CDC42BPA: variants seen among roughly 807,000 people sequenced by gnomAD.
The protein encoded by CDC42BPA is serine/threonine-protein kinase MRCK alpha.
A neutral mutation model predicts 223.5 loss-of-function variants in CDC42BPA; 80 were observed. The ratio of observed to expected loss-of-function variants is 0.36; its 90% CI spans 0.30 to 0.43. The LOEUF (loss-of-function observed/expected upper bound fraction) is 0.43. Among genes scored for constraint, CDC42BPA ranks in the 20% least tolerant of loss-of-function variants. The pLI is 1.00. For missense variants in CDC42BPA, 1,743 were observed against 2,099.9 expected (o/e 0.83, Z 3.32); for synonymous variants, 694 against 718.6 (o/e 0.97, Z 0.55).
chr1:227,132,787 C>T (rs1260134843), intron 10 of CDC42BPA, among the ~76,000 whole-genome samples: 2 of 151,554 alleles, frequency 1.3e-5, no homozygotes, highest in Admixed American at 6.6e-5. Context: ...CCCGCCGCCC[C>T]GTCTGGGATG....
chr1:227,230,692 T>C (rs917098375), intron 2 of CDC42BPA, among the ~76,000 whole-genome samples: 1 of 152,120 alleles, frequency 6.6e-6, no homozygotes, highest in Non-Finnish European at 1.5e-5. Context: ...TACTCAGTTA[T>C]CTTATTAACA....
chr1:227,155,234 G>T (rs1480305935), intron 6 of CDC42BPA, among the ~76,000 whole-genome samples: 1 of 152,188 alleles, frequency 6.6e-6, no homozygotes, highest in Non-Finnish European at 1.5e-5. Flanking sequence ...AAAGGACTGA[G>T]ACTCAGAATG....
intron 2 of CDC42BPA, among the ~76,000 whole-genome samples, chr1:227,221,430 C>T (rs145207086): frequency 6.6e-6 from 1 of 152,252 alleles, no homozygotes; most frequent in East Asian, 1.9e-4. Context: ...AGTCAACAAT[C>T]TGTATACCAA....
At chr1:227,008,542 C>T (rs1221596704) in intron 34 of CDC42BPA, among the ~76,000 whole-genome samples, 1 of 152,096 alleles carries the variant, frequency 6.6e-6, no homozygotes, top group Non-Finnish European at 1.5e-5. Context: ...AGTTGCCATG[C>T]AATTGTGAAA....
Position 226,994,201 on chromosome 1 carries a change from A to C in CDC42BPA, c.*67T>G, listed in dbSNP as rs866655178. 1.3e-3 allele frequency: 1,837 copies of C among 1,426,638 alleles called. No homozygotes were observed. The highest frequency in any genetic ancestry group is 1.6e-3 in the Non-Finnish European group (1,629 of 1,044,232). The allele number at this position is 1,426,638 out of a possible 1,614,324, so 88.4% of individuals were successfully genotyped here. Reference sequence around the variant, plus strand: ...AGGCCGAGCAGGCGAGGTGGAGGGAAGAGATGAAAGTGAGAGGAGGCGAGT... The same window carrying C: ...AGGCCGAGCAGGCGAGGTGGAGGGACGAGATGAAAGTGAGAGGAGGCGAGT... On this transcript the variant is annotated 3_prime_UTR_variant, in exon 37 of 37. Coordinates refer to ENST00000366766, the MANE Select transcript of CDC42BPA (RefSeq NM_001394014.1). This position sits in a 1 kb window ranked among gnomAD's most constrained non-coding sequence, Gnocchi z 4.0.
At chr1:227,225,445 A>G (rs538831535) in intron 2 of CDC42BPA, among the ~76,000 whole-genome samples, 5 of 152,212 alleles carry the variant, frequency 3.3e-5, no homozygotes, top group Non-Finnish European at 5.9e-5. Flanking sequence ...TGTTCTAAGT[A>G]GGGAATAAAA....
intron 5 of CDC42BPA, among the ~76,000 whole-genome samples, chr1:227,184,238 A>G (rs556473496): frequency 6.6e-6 from 1 of 151,958 alleles, no homozygotes; most frequent in Non-Finnish European, 1.5e-5. Context: ...TTTTTTTGTC[A>G]TATCTAAAAA....
chr1:227,242,725 T>C (rs1680230237), intron 2 of CDC42BPA, among the ~76,000 whole-genome samples: 1 of 151,974 alleles, frequency 6.6e-6, no homozygotes, highest in African/African-American at 2.4e-5. Flanking sequence ...ATCAGACCCA[T>C]AAATTTAGTG....
At chr1:227,127,474 A>T (rs1010761033) in intron 11 of CDC42BPA, among the ~76,000 whole-genome samples, 2 of 152,232 alleles carry the variant, frequency 1.3e-5, no homozygotes, top group Non-Finnish European at 2.9e-5. Flanking sequence ...ACTATTAAAA[A>T]GAGGAGAGAT....
intron 10 of CDC42BPA, among the ~76,000 whole-genome samples, chr1:227,130,834 A>G (rs982243323): frequency 1.3e-5 from 2 of 151,366 alleles, no homozygotes; most frequent in Non-Finnish European, 2.9e-5. Context: ...AGCCTGGGTG[A>G]TAGATCGAGA....
At chr1:227,076,692 A>G (rs1679555791) in intron 17 of CDC42BPA, among the ~76,000 whole-genome samples, 1 of 152,158 alleles carries the variant, frequency 6.6e-6, no homozygotes, top group Non-Finnish European at 1.5e-5. Context: ...ATATTTCTTA[A>G]TAACAGTTAT....
chr1:227,250,640 ATG>A (rs59921051), intron 2 of CDC42BPA, among the ~76,000 whole-genome samples: 5 of 150,918 alleles, frequency 3.3e-5, no homozygotes, highest in East Asian at 1.9e-4. Context: ...GTGTGTGTGT[ATG>A]TGTGTGTGTG....
chr1:227,001,799 C>T lies in CDC42BPA; in HGVS notation c.4975+3195G>A, dbSNP rs887999356. On this transcript the variant is annotated intron_variant, in intron 35 of 36. Coordinates refer to ENST00000366766, the MANE Select transcript of CDC42BPA (RefSeq NM_001394014.1). ...GCACCCACCTGTAGTCCCAGCTACT[C>T]GGGAGGCTGAGGCAGGAGAATTGCT... is the stretch of plus-strand genomic sequence containing the variant. Among the ~76,000 whole-genome samples the T allele has an allele frequency of 4.0e-5, 6 of 151,646 alleles. No individual in the cohort carries two copies. In the East Asian group the frequency reaches 5.8e-4, roughly 15 times the overall value.
At position 227,317,879 on chromosome 1, in the gene CDC42BPA, A is replaced by T; in HGVS notation, c.-697T>A. The T allele has an allele frequency of 2.5e-6, 1 of 398,678 alleles. No homozygotes were observed. Among genetic ancestry groups the T allele is most frequent in the Non-Finnish European group, 4.4e-6 (1 of 226,100 alleles). The allele number at this position is 398,678 out of a possible 1,614,324, so 24.7% of individuals were successfully genotyped here. A position where few individuals can be genotyped will look rare whatever the true frequency, so the allele number is the denominator to read the frequency against. On this transcript the variant is annotated 5_prime_UTR_variant, in exon 1 of 37. Coordinates refer to ENST00000366766, the MANE Select transcript of CDC42BPA (RefSeq NM_001394014.1). The stretch of plus-strand genomic sequence containing the variant: ...GGTCCTTCTTTCTTTAAGGCTTTGC[A>T]GTCAGTCCTATTTTCAACGGATTCC...
rs1668797862 is a variant in CDC42BPA at position 227,029,214 on chromosome 1, T to C, written c.3875A>G (p.Gln1292Arg). Residue 1292 changes from glutamine to arginine, a missense_variant, in exon 30 of 37, where the codon CAG becomes CGG. Around this residue, in one of 6 missense-constraint regions of CDC42BPA, gnomAD observed 678 missense variants for 777.5 expected, o/e 0.87. Coordinates refer to ENST00000366766, the MANE Select transcript of CDC42BPA (RefSeq NM_001394014.1). ...IRVGDNKKIH[Q>R]IELIPNDQLV... ...CTGATCATTTGGAATGAGTTCAATC[T>C]GATGAATCTTCTTATTGTCACCAAC... 6.3e-7 allele frequency: 1 copy of C among 1,593,866 alleles called. No homozygotes were observed. Among genetic ancestry groups the C allele is most frequent in the Non-Finnish European group, 8.5e-7 (1 of 1,175,244 alleles).
At chr1:227,168,527 G>C (rs746326559) in intron 5 of CDC42BPA, among the ~76,000 whole-genome samples, 7 of 35,708 alleles carry the variant, frequency 2.0e-4, no homozygotes, top group Non-Finnish European at 3.8e-4. Flanking sequence ...GCAGAGTCTC[G>C]CTCTGTCACC....
chr1:227,222,566 C>A (rs2090006), intron 2 of CDC42BPA, among the ~76,000 whole-genome samples: 43,673 of 152,006 alleles, frequency 0.29, 6,358 homozygotes, highest in East Asian at 0.37. Flanking sequence ...TCATCACACC[C>A]CCGTTCCAGA....
intron 5 of CDC42BPA, among the ~76,000 whole-genome samples, chr1:227,165,379 T>C (rs1279690824): frequency 6.6e-6 from 1 of 152,214 alleles, no homozygotes; most frequent in Non-Finnish European, 1.5e-5. Context: ...TAAATTGACT[T>C]GATACATGAT....
At chr1:227,174,690 A>AG (rs1183390717) in intron 5 of CDC42BPA, among the ~76,000 whole-genome samples, 2 of 152,222 alleles carry the variant, frequency 1.3e-5, no homozygotes, top group African/African-American at 4.8e-5. Context: ...TGAGATAAAA[A>AG]GAGTTATGAA....
Sources: gnomAD v4.1 joint callset for allele counts (sites outside exome capture counted in the v4.1 genomes callset) on GRCh38, gnomAD v4.1.1 for gene constraint, gnomAD v4.1.1 regional missense constraint, Gnocchi (gnomAD v3.1) non-coding constraint, MANE v1.5 for transcripts, NCBI Gene and HGNC (gene_info 2026-07-23, HGNC 2026-07-21) for gene names.